TMEM132C: variants seen among roughly 807,000 people sequenced by gnomAD.
The protein encoded by TMEM132C is transmembrane protein 132C, also known as protein phosphatase 1, regulatory subunit 152.
TMEM132C carries 29 observed loss-of-function variants against 61.4 expected under a neutral mutation model. That is an observed-to-expected ratio of 0.47 (90% confidence interval 0.35 to 0.64). The LOEUF (loss-of-function observed/expected upper bound fraction) is 0.64. TMEM132C is among the 30% of genes least tolerant of loss of function. The pLI is 0.00. For missense variants in TMEM132C, 1,408 were observed against 1,476.9 expected, an observed-to-expected ratio of 0.95 and a Z score of 0.76; for synonymous variants, 656 against 633.1, an observed-to-expected ratio of 1.04 and a Z score of -0.54.
intron 1 of TMEM132C, among the ~76,000 whole-genome samples, chr12:128,333,353 T>C (rs1872711467): frequency 6.6e-6 from 1 of 152,036 alleles, no homozygotes; most frequent in Non-Finnish European, 1.5e-5. Flanking sequence ...GTGTAAGTGT[T>C]ACTTGTATTT....
At chr12:128,356,840 C>T (rs1244405411) in intron 1 of TMEM132C, among the ~76,000 whole-genome samples, 2 of 152,226 alleles carry the variant, frequency 1.3e-5, no homozygotes, top group Non-Finnish European at 2.9e-5. Flanking sequence ...GCAGGACTTT[C>T]TTGCAAAGCT....
At chr12:128,323,390 C>T (rs1392433048) in intron 1 of TMEM132C, among the ~76,000 whole-genome samples, 2 of 152,210 alleles carry the variant, frequency 1.3e-5, no homozygotes, top group East Asian at 1.9e-4. Flanking sequence ...GATTGTCAGG[C>T]GTGACGAAGC....
At chr12:128,495,900 G>A (rs969792507) in intron 2 of TMEM132C, among the ~76,000 whole-genome samples, 6 of 152,068 alleles carry the variant, frequency 3.9e-5, no homozygotes, top group East Asian at 1.9e-4. Context: ...TATTTTGCTC[G>A]TTAGTTGATG....
At chr12:128,686,092 G>GTGCGCATGTGTGTT (rs1954673648) in intron 5 of TMEM132C, among the ~76,000 whole-genome samples, 5 of 148,172 alleles carry the variant, frequency 3.4e-5, no homozygotes, top group Admixed American at 6.6e-5. Context: ...TGTGTGTTGT[G>GTGCGCATGTGTGTT]TGCGCATGTG....
chr12:128,321,705 G>A (rs1370712740), intron 1 of TMEM132C, among the ~76,000 whole-genome samples: 1 of 152,196 alleles, frequency 6.6e-6, no homozygotes, highest in Non-Finnish European at 1.5e-5. Flanking sequence ...CCTGATTGTG[G>A]TAGTGTACTA....
chr12:128,320,695 C>T (rs1872302500), intron 1 of TMEM132C, among the ~76,000 whole-genome samples: 1 of 151,786 alleles, frequency 6.6e-6, no homozygotes, highest in Non-Finnish European at 1.5e-5. Context: ...ATCACTTGCA[C>T]CTGGGAGATA....
At chr12:128,438,303 A>G (rs1204334244) in intron 2 of TMEM132C, among the ~76,000 whole-genome samples, 1 of 152,072 alleles carries the variant, frequency 6.6e-6, no homozygotes, top group African/African-American at 2.4e-5. Flanking sequence ...TGGGGTGGGA[A>G]TGAGTGCTTG....
intron 2 of TMEM132C, among the ~76,000 whole-genome samples, chr12:128,427,608 G>A (rs1008802185): frequency 1.3e-5 from 2 of 151,944 alleles, no homozygotes; most frequent in Non-Finnish European, 2.9e-5. Context: ...TTTCCTCCAG[G>A]GTGAGATCCA....
chr12:128,301,612 A>G (rs1871597664), intron 1 of TMEM132C, among the ~76,000 whole-genome samples: 1 of 152,142 alleles, frequency 6.6e-6, no homozygotes, highest in Admixed American at 6.6e-5. Context: ...GGATGGTAGT[A>G]TTTATAATGC....
chr12:128,293,986 C>T (rs1871326734), intron 1 of TMEM132C: 1 of 154,232 alleles, frequency 6.5e-6, no homozygotes. Flanking sequence ...AGAATATTTC[C>T]GAAGGGGAAT....
intron 2 of TMEM132C, among the ~76,000 whole-genome samples, chr12:128,519,098 A>T (rs543770983): frequency 6.6e-6 from 1 of 152,210 alleles, no homozygotes; most frequent in African/African-American, 2.4e-5. Context: ...GGGGTGTTAA[A>T]CATAGAAGAT....
chr12:128,333,950 T>G (rs892503267), intron 1 of TMEM132C, among the ~76,000 whole-genome samples: 51 of 151,276 alleles, frequency 3.4e-4, no homozygotes, highest in African/African-American at 1.2e-3. Context: ...GTGTGTGGTG[T>G]TGTGTGTAAG....
chr12:128,310,457 C>A (rs1871930855), intron 1 of TMEM132C, among the ~76,000 whole-genome samples: 1 of 152,074 alleles, frequency 6.6e-6, no homozygotes, highest in African/African-American at 2.4e-5. Context: ...CCTCATGGAG[C>A]TTCCAATCGT....
chr12:128,552,165 C>T (rs913591406), intron 3 of TMEM132C, among the ~76,000 whole-genome samples: 1 of 152,226 alleles, frequency 6.6e-6, no homozygotes, highest in African/African-American at 2.4e-5. Flanking sequence ...TGCTGAACAC[C>T]TTCACTTCAA....
chr12:128,552,257 A>G (rs1334616422), intron 3 of TMEM132C, among the ~76,000 whole-genome samples: 4 of 152,250 alleles, frequency 2.6e-5, no homozygotes. Flanking sequence ...AGAAGCAAAT[A>G]TAGTATCTTA....
intron 5 of TMEM132C, among the ~76,000 whole-genome samples, chr12:128,670,473 C>T (rs572010929): frequency 2.1e-4 from 32 of 152,320 alleles, no homozygotes; most frequent in African/African-American, 7.2e-4. Flanking sequence ...TCTATCTCTG[C>T]TCCTATCAGT....
At chr12:128,287,868 G>T (rs1384118034) in intron 1 of TMEM132C, among the ~76,000 whole-genome samples, 1 of 152,092 alleles carries the variant, frequency 6.6e-6, no homozygotes, top group African/African-American at 2.4e-5. Flanking sequence ...TGTTTGAAGA[G>T]TACAGGCCAG....
intron 3 of TMEM132C, among the ~76,000 whole-genome samples, chr12:128,591,104 C>G (rs529764289): frequency 3.8e-4 from 58 of 152,318 alleles, no homozygotes; most frequent in African/African-American, 1.3e-3. Flanking sequence ...TAATATAACA[C>G]TTTTATTACT....
At chr12:128,289,589 A>G (rs1871193432) in intron 1 of TMEM132C, among the ~76,000 whole-genome samples, 1 of 152,218 alleles carries the variant, frequency 6.6e-6, no homozygotes, top group Admixed American at 6.5e-5. Flanking sequence ...TCTGAAAGAA[A>G]GTAGGCCCAA....
Sources: allele counts gnomAD v4.1 joint callset (sites outside exome capture counted in the v4.1 genomes callset), GRCh38; gene constraint gnomAD v4.1.1; transcripts MANE v1.5; gene names NCBI Gene and HGNC (gene_info 2026-07-23, HGNC 2026-07-21).